The following MGAM2 variants were observed in gnomAD, a reference collection of about 807,000 sequenced individuals.
MGAM2 encodes maltase-glucoamylase 2 (putative).
In MGAM2, 98 loss-of-function variants were observed where a neutral mutation model predicts 96.1. The ratio of observed to expected loss-of-function variants is 1.02; its 90% CI spans 0.87 to 1.21. MGAM2 has a LOEUF of 1.21. Ranked by LOEUF, MGAM2 falls within the 50% of genes most tolerant of loss-of-function variation. MGAM2 has a pLI of 0.00. For synonymous variants in MGAM2, 749 were observed against 414.8 expected, an observed-to-expected ratio of 1.81 and a Z score of -9.79; for missense variants, 2,055 against 1,182.4, an observed-to-expected ratio of 1.74 and a Z score of -10.82.
chr7:142,156,984 A>G (rs1795754262), intron 17 of MGAM2, among the ~76,000 whole-genome samples: 1 of 152,190 alleles, frequency 6.6e-6, no homozygotes, highest in Non-Finnish European at 1.5e-5. Context: ...TCTTGGATAA[A>G]ATCTGCTAAA....
chr7:142,133,996 C>A lies in MGAM2; in HGVS notation c.591C>A (p.Ile197=), dbSNP rs200368231. ...CATGGCCCAGGTTGGACACGAGCAT[C>A]GGGCCCCTCCAGTTTGCCCAGCAGT... The part of the protein sequence containing the change: ...SNRRVLLDTS[I]GPLQFAQQYL... The change falls in exon 7 of 48, where the codon ATC becomes ATA. Residue 197 remains isoleucine, a synonymous_variant. Coordinates refer to ENST00000477922, the MANE Select transcript of MGAM2 (RefSeq NM_001293626.2). 1 of 713,666 alleles carries A rather than the reference C, an allele frequency of 1.4e-6. No homozygotes were observed. The highest frequency in any genetic ancestry group is 1.7e-5 in the African/African-American group (1 of 57,704). 44.2% of individuals were successfully genotyped at this position (713,666 alleles called of 1,614,324 possible). A position where few individuals can be genotyped will look rare whatever the true frequency, so the allele number is the denominator to read the frequency against.
At chr7:142,130,833 G>A (rs1794861965) in intron 3 of MGAM2, 115 bp from the exon 4 acceptor site, 1 of 594,314 alleles carries the variant, frequency 1.7e-6, no homozygotes, top group South Asian at 2.1e-5. Context: ...ATTAATGAAT[G>A]TAATTATAAC....
chr7:142,185,570 T>C (rs936715919), intron 34 of MGAM2, among the ~76,000 whole-genome samples: 2 of 152,164 alleles, frequency 1.3e-5, no homozygotes, highest in Non-Finnish European at 2.9e-5. Flanking sequence ...CCCTCTACTC[T>C]GGAGTTCACT....
chr7:142,136,396 C>T, intron 7 of MGAM2, 145 bp from the exon 8 acceptor site: 2 of 429,502 alleles, frequency 4.7e-6, no homozygotes, highest in Non-Finnish European at 8.2e-6. Context: ...TTGATAATAT[C>T]ATTACAATGC....
At chr7:142,137,391 C>T (rs1795090025) in intron 8 of MGAM2, 42 bp from the exon 9 acceptor site, 1 of 667,780 alleles carries the variant, frequency 1.5e-6, no homozygotes, top group African/African-American at 1.8e-5. Context: ...GAGTTTACTT[C>T]CAACCATAAG....
At chr7:142,188,349 C>A (rs1016006722) in intron 36 of MGAM2, among the ~76,000 whole-genome samples, 1 of 152,060 alleles carries the variant, frequency 6.6e-6, no homozygotes, top group East Asian at 1.9e-4. Flanking sequence ...TGACTCACTT[C>A]TAAAAGTACT....
At position 142,167,336 on chromosome 7, in the gene MGAM2, T is replaced by G; in HGVS notation, c.2877T>G (p.Ile959Met). The change falls in exon 26 of 48, where the codon ATT becomes ATG. Residue 959 changes from isoleucine to methionine, a missense_variant. By Grantham distance (10) the Ile-to-Met change is conservative. Transcript: ENST00000477922. Reference protein sequence around the residue: ...DTIPNYVASDIQYLNTSITAD... With the variant: ...DTIPNYVASDMQYLNTSITAD... ...TCCCTAATTATGTTGCTAGTGATATTCAGTACCTGAACACCAGCATCACTG... is the reference window on the plus strand; with the variant it reads ...TCCCTAATTATGTTGCTAGTGATATGCAGTACCTGAACACCAGCATCACTG... The G allele has an allele frequency of 1.4e-6, 1 of 702,918 alleles. No individual in the cohort carries two copies. Among genetic ancestry groups the G allele is most frequent in the Non-Finnish European group, 2.6e-6 (1 of 384,976 alleles). 43.5% of individuals were successfully genotyped at this position (702,918 alleles called of 1,614,324 possible).
At chr7:142,140,443 C>T (rs1795187105) in intron 10 of MGAM2, among the ~76,000 whole-genome samples, 1 of 152,124 alleles carries the variant, frequency 6.6e-6, no homozygotes, top group Admixed American at 6.6e-5. Flanking sequence ...TAAGTTAGTA[C>T]ATGGTTATAA....
intron 23 of MGAM2, among the ~76,000 whole-genome samples, chr7:142,163,120 T>C (rs1313209412): frequency 1.3e-5 from 2 of 152,208 alleles, no homozygotes; most frequent in African/African-American, 4.8e-5. Flanking sequence ...AACAGCTTGC[T>C]CCTTTTCATT....
At chr7:142,137,379 A>G in intron 8 of MGAM2, 54 bp from the exon 9 acceptor site, 1 of 647,450 alleles carries the variant, frequency 1.5e-6, no homozygotes, top group Non-Finnish European at 2.8e-6. Flanking sequence ...TACTGCAGAG[A>G]AGAGTTTACT....
intron 33 of MGAM2, 28 bp from the exon 34 acceptor site, chr7:142,185,049 G>A: frequency 1.4e-6 from 1 of 702,628 alleles, no homozygotes. Context: ...GATCTGTAAA[G>A]GTTTTAATTG....
intron 16 of MGAM2, 44 bp from the exon 17 acceptor site, chr7:142,154,684 CG>C (rs1795682842): frequency 1.4e-6 from 1 of 697,484 alleles, no homozygotes; most frequent in Non-Finnish European, 2.6e-6. Context: ...TACATGCTTT[CG>C]CCTCTCATTG....
At chr7:142,144,528 C>A (rs1452156106) in intron 13 of MGAM2, among the ~76,000 whole-genome samples, 2 of 152,098 alleles carry the variant, frequency 1.3e-5, no homozygotes, top group African/African-American at 4.8e-5. Context: ...AGGTTCTTAA[C>A]AATAACAATA....
At chr7:142,207,866 G>T (rs1483761980) in intron 45 of MGAM2, among the ~76,000 whole-genome samples, 1 of 152,124 alleles carries the variant, frequency 6.6e-6, no homozygotes, top group African/African-American at 2.4e-5. Context: ...AGCAGAGAAG[G>T]TATAGGGAAG....
intron 26 of MGAM2, among the ~76,000 whole-genome samples, chr7:142,168,990 T>A (rs1280764956): frequency 6.6e-6 from 1 of 152,174 alleles, no homozygotes; most frequent in Non-Finnish European, 1.5e-5. Context: ...TTTTAATGTA[T>A]CATGAATCAC....
intron 3 of MGAM2, among the ~76,000 whole-genome samples, chr7:142,128,148 T>G (rs1794781002): frequency 6.6e-6 from 1 of 152,202 alleles, no homozygotes. Context: ...CCTAGAGATC[T>G]GTGGAACTTT....
At chr7:142,169,921 C>T (rs967327992) in intron 26 of MGAM2, among the ~76,000 whole-genome samples, 154 bp from the exon 27 acceptor site, 4 of 152,072 alleles carry the variant, frequency 2.6e-5, no homozygotes, top group Admixed American at 2.6e-4. Flanking sequence ...GCACAGTGGG[C>T]AGGCAGGCCT....
chr7:142,152,154 T>A lies in MGAM2; in HGVS notation c.1635-1864T>A, dbSNP rs574025746. Among the ~76,000 whole-genome samples, 35 of 140,896 alleles carry A rather than the reference T, an allele frequency of 2.5e-4. No homozygotes were observed. In the South Asian group the frequency reaches 8.3e-3, roughly 33 times the overall value. The allele number at this position is 140,896 out of a possible 152,430, so 92.4% of individuals were successfully genotyped here. A position where few individuals can be genotyped will look rare whatever the true frequency, so the allele number is the denominator to read the frequency against. ...AAAATACAAAGCCTCTGAGTAAGAC[T>A]GTTCCTTTAAGATGTTTAAAAAAAA... On this transcript the variant is annotated intron_variant, in intron 15 of 47. Coordinates refer to ENST00000477922, the MANE Select transcript of MGAM2 (RefSeq NM_001293626.2).
intron 30 of MGAM2, 94 bp downstream of exon 30, chr7:142,172,858 C>T: frequency 3.4e-6 from 2 of 590,700 alleles, no homozygotes; most frequent in East Asian, 2.8e-5. Context: ...TTTCTTTTGA[C>T]TCTTGAGTGT....
Sources: allele counts gnomAD v4.1 joint callset (sites outside exome capture counted in the v4.1 genomes callset), GRCh38; gene constraint gnomAD v4.1.1; transcripts MANE v1.5; gene names NCBI Gene and HGNC (gene_info 2026-07-23, HGNC 2026-07-21).